The following TDRD7 variants were observed in gnomAD, a reference collection of about 807,000 sequenced individuals.
The protein encoded by TDRD7 is tudor domain-containing protein 7.
A neutral mutation model predicts 109.8 loss-of-function variants in TDRD7; 47 were observed. The ratio of observed to expected loss-of-function variants is 0.43; its 90% CI spans 0.34 to 0.55. The LOEUF is 0.55. Among genes scored for constraint, TDRD7 ranks in the 20% least tolerant of loss-of-function variants. The pLI, the probability that TDRD7 is intolerant of heterozygous loss-of-function variation, is 0.03. For missense variants in TDRD7, 1,164 were observed against 1,319.2 expected (o/e 0.88, Z 1.82); for synonymous variants, 424 against 457.3 (o/e 0.93, Z 0.93).
chr9:97,422,602 G>C (rs1827918016), intron 1 of TDRD7, among the ~76,000 whole-genome samples: 2 of 152,188 alleles, frequency 1.3e-5, no homozygotes, highest in Non-Finnish European at 2.9e-5. Context: ...TTCTTGCCCT[G>C]TTCCCAGTCT....
chr9:97,422,646 A>G (rs906160767), intron 1 of TDRD7, among the ~76,000 whole-genome samples: 2 of 152,198 alleles, frequency 1.3e-5, no homozygotes, highest in African/African-American at 4.8e-5. Flanking sequence ...AGCTGTGAGT[A>G]ATGATGTTAA....
intron 1 of TDRD7, among the ~76,000 whole-genome samples, chr9:97,422,651 T>C (rs1827918982): frequency 6.6e-6 from 1 of 152,218 alleles, no homozygotes; most frequent in African/African-American, 2.4e-5. Flanking sequence ...TGAGTAATGA[T>C]GTTAACTGTG....
At position 97,434,663 on chromosome 9, in the gene TDRD7, G is replaced by A. The variant is rs149452421; in HGVS notation, c.563+2425G>A. On this transcript the variant is annotated intron_variant, in intron 4 of 16. Coordinates refer to ENST00000355295, the MANE Select transcript of TDRD7 (RefSeq NM_014290.3). ...AACTATAATAGGGCCCAGCAGTTGC[G>A]CTCCTGGACATTTATCTCAGAGAAA... is the stretch of plus-strand genomic sequence containing the variant. Among the ~76,000 whole-genome samples, 15 of 152,184 alleles carry A rather than the reference G, an allele frequency of 9.9e-5. 2 individuals carry two copies. Among genetic ancestry groups the A allele is most frequent in the African/African-American group, 3.1e-4 (13 of 41,514 alleles).
At chr9:97,427,826 A>G (rs947519824) in intron 1 of TDRD7, among the ~76,000 whole-genome samples, 4 of 152,156 alleles carry the variant, frequency 2.6e-5, no homozygotes, top group Admixed American at 6.6e-5. Flanking sequence ...AAAACTTGTT[A>G]ATCTTTCTCC....
chr9:97,439,616 G>C (rs541688522), intron 5 of TDRD7, among the ~76,000 whole-genome samples: 2 of 152,156 alleles, frequency 1.3e-5, no homozygotes, highest in South Asian at 4.2e-4. Context: ...CCTCTTAGGG[G>C]GTGCACCCCT....
chr9:97,480,991 A>G, intron 14 of TDRD7, 53 bp downstream of exon 14: 1 of 1,495,750 alleles, frequency 6.7e-7, no homozygotes, highest in East Asian at 2.3e-5. Context: ...GGCAGCTGTC[A>G]GGGCTCATTT....
chr9:97,460,717 A>C lies in TDRD7; in HGVS notation c.1395A>C (p.Pro465=). The change falls in exon 7 of 17, where the codon CCA becomes CCC. Residue 465 remains proline (P), a synonymous_variant. Transcript: ENST00000355295. ...TAATGATTCCAACTGAAGCATCACC[A>C]TCTGTATTGGTGGTTGAACTGAGCA... ...PPLMIPTEAS[P]SVLVVELSNT... 6.2e-7 allele frequency: 1 copy of C among 1,614,158 alleles called. No individual in the cohort carries two copies. The highest frequency in any genetic ancestry group is 1.3e-5 in the African/African-American group (1 of 75,036).
chr9:97,472,609 A>G, intron 10 of TDRD7, 114 bp downstream of exon 10: 1 of 911,358 alleles, frequency 1.1e-6, no homozygotes, highest in Non-Finnish European at 1.8e-6. Flanking sequence ...ATTTACATTG[A>G]GGGGAAAAAA....
Position 97,473,542 on chromosome 9 carries a change from G to A in TDRD7, c.1995G>A (p.Gly665=), listed in dbSNP as rs775501106. 3 of 1,613,690 alleles carry A rather than the reference G, an allele frequency of 1.9e-6. No homozygotes were observed. The highest frequency in any genetic ancestry group is 2.5e-6 in the Non-Finnish European group (3 of 1,179,796). Reference sequence around the variant, plus strand: ...AAGTAACTAATATTTGCTCTGATGGGACACTCTACTGCCAGGTGCCTTGTA... The same window carrying A: ...AAGTAACTAATATTTGCTCTGATGGAACACTCTACTGCCAGGTGCCTTGTA... The part of the protein sequence containing the change: ...NVKVTNICSD[G]TLYCQVPCKG... The change falls in exon 11 of 17, where the codon GGG becomes GGA. Residue 665 remains glycine, a synonymous_variant. Coordinates refer to ENST00000355295, the MANE Select transcript of TDRD7 (RefSeq NM_014290.3).
intron 1 of TDRD7, among the ~76,000 whole-genome samples, chr9:97,425,442 G>GT (rs984787536): frequency 2.0e-5 from 3 of 152,188 alleles, no homozygotes; most frequent in African/African-American, 7.2e-5. Context: ...GTAGCATGCT[G>GT]TACAGGTGTG....
chr9:97,421,664 T>C (rs897624760), intron 1 of TDRD7, among the ~76,000 whole-genome samples: 6 of 151,786 alleles, frequency 4.0e-5, no homozygotes, highest in Non-Finnish European at 7.4e-5. Flanking sequence ...CTCAGGTAGC[T>C]GGGACTACAG....
Position 97,495,822 on chromosome 9 carries a change from C to T in TDRD7, c.3236C>T (p.Thr1079Ile), listed in dbSNP as rs546206812. Residue 1079 changes from threonine (T) to isoleucine (I), a missense_variant, in exon 17 of 17, where the codon ACC becomes ATC. Thr to Ile is a moderately conservative substitution (Grantham distance 89, BLOSUM62 -1). Transcript: ENST00000355295. ...VYLVDTSLPD[T>I]DTWIHDFMSE... ...TTAGTGGACACATCGTTGCCAGACA[C>T]CGATACCTGGATTCATGATTTTATG... 3 of 1,614,140 alleles carry T rather than the reference C, an allele frequency of 1.9e-6. No homozygotes were observed. The highest frequency in any genetic ancestry group is 2.2e-5 in the East Asian group (1 of 44,878).
intron 11 of TDRD7, among the ~76,000 whole-genome samples, chr9:97,474,699 T>G (rs1406687685): frequency 6.6e-6 from 1 of 152,222 alleles, no homozygotes; most frequent in African/African-American, 2.4e-5. Context: ...GACTCATTTG[T>G]ATGGATGTTG....
At chr9:97,463,862 G>C (rs950701503) in intron 7 of TDRD7, among the ~76,000 whole-genome samples, 1 of 152,210 alleles carries the variant, frequency 6.6e-6, no homozygotes, top group Non-Finnish European at 1.5e-5. Flanking sequence ...CAAGCATACA[G>C]TTTTAGAGAC....
In TDRD7 at chr9:97,460,550, A is replaced by G. The variant is rs913246549; in HGVS notation, c.1228A>G (p.Thr410Ala). 1.9e-6 allele frequency: 3 copies of G among 1,614,114 alleles called. No homozygotes were observed. Among genetic ancestry groups the G allele is most frequent in the African/African-American group, 2.7e-5 (2 of 74,954 alleles). The change falls in exon 7 of 17, where the codon ACT becomes GCT. Residue 410 changes from threonine (T) to alanine (A), a missense_variant. Coordinates refer to ENST00000355295, the MANE Select transcript of TDRD7 (RefSeq NM_014290.3). ...TCTCTATGCTAAACTTCCATTGCCC[A>G]CTGACAAAATCCAAAAGGATGCAGG... ...AILYAKLPLP[T>A]DKIQKDAGQA...
At chr9:97,443,145 GC>G (rs1828341093) in intron 6 of TDRD7, among the ~76,000 whole-genome samples, 1 of 152,142 alleles carries the variant, frequency 6.6e-6, no homozygotes, top group African/African-American at 2.4e-5. Context: ...TGAGTCTGTG[GC>G]CTCTTAGAGA....
intron 1 of TDRD7, among the ~76,000 whole-genome samples, chr9:97,422,005 A>G (rs1479611070): frequency 6.6e-6 from 1 of 152,154 alleles, no homozygotes; most frequent in African/African-American, 2.4e-5. Flanking sequence ...TTTTGTATAT[A>G]TAATATGAAG....
At chr9:97,463,171 C>G (rs1828757702) in intron 7 of TDRD7, among the ~76,000 whole-genome samples, 1 of 152,218 alleles carries the variant, frequency 6.6e-6, no homozygotes, top group Non-Finnish European at 1.5e-5. Flanking sequence ...CCCAACTACT[C>G]AGCAGGCTGA....
At chr9:97,478,657 G>T in intron 13 of TDRD7, 84 bp downstream of exon 13, 1 of 1,586,650 alleles carries the variant, frequency 6.3e-7, no homozygotes, top group Non-Finnish European at 8.6e-7. Context: ...TCTCAGTTTT[G>T]ATCTCATTAA....
Sources: allele counts gnomAD v4.1 joint callset (sites outside exome capture counted in the v4.1 genomes callset), GRCh38; gene constraint gnomAD v4.1.1; transcripts MANE v1.5; gene names NCBI Gene and HGNC (gene_info 2026-07-23, HGNC 2026-07-21).